DYNC1LI1: variants seen among roughly 807,000 people sequenced by gnomAD.
The protein encoded by DYNC1LI1 is dynein cytoplasmic 1 light intermediate chain 1.
In DYNC1LI1, 19 loss-of-function variants were observed where a neutral mutation model predicts 63.8. That is an observed-to-expected ratio of 0.30 (90% CI 0.21 to 0.44). DYNC1LI1 has a LOEUF of 0.44. DYNC1LI1 is among the 20% of genes least tolerant of loss of function. The pLI is 1.00. For missense variants in DYNC1LI1, 565 were observed against 630.2 expected, an observed-to-expected ratio of 0.90 and a Z score of 1.11; for synonymous variants, 225 against 232.3, an observed-to-expected ratio of 0.97 and a Z score of 0.28.
intron 2 of DYNC1LI1, among the ~76,000 whole-genome samples, chr3:32,565,868 A>G (rs1287342598): frequency 6.6e-6 from 1 of 152,176 alleles, no homozygotes; most frequent in South Asian, 2.1e-4. Context: ...TCAGCCTCCT[A>G]AAGTGCTAGG....
At chr3:32,570,536 G>C in intron 1 of DYNC1LI1, 89 bp downstream of exon 1, 1 of 1,497,206 alleles carries the variant, frequency 6.7e-7, no homozygotes, top group Non-Finnish European at 8.9e-7. Context: ...GCCGGGCCCG[G>C]CGCCGAGCTC....
intron 2 of DYNC1LI1, among the ~76,000 whole-genome samples, chr3:32,569,016 T>C (rs562494680): frequency 1.9e-4 from 29 of 152,242 alleles, no homozygotes; most frequent in Admixed American, 4.6e-4. Context: ...TATTTTCTAA[T>C]GCAGTTTAAG....
chr3:32,546,958 A>G (rs112495301), intron 2 of DYNC1LI1, among the ~76,000 whole-genome samples: 60 of 152,326 alleles, frequency 3.9e-4, no homozygotes, highest in African/African-American at 1.4e-3. Context: ...AAACTAGGCT[A>G]ACTAGGCCAG....
chr3:32,549,996 T>C (rs911262888), intron 2 of DYNC1LI1, among the ~76,000 whole-genome samples: 2 of 152,178 alleles, frequency 1.3e-5, no homozygotes, highest in African/African-American at 4.8e-5. Flanking sequence ...GAAATAATCA[T>C]TGATAATTTG....
In DYNC1LI1 at chr3:32,570,798, C is replaced by A. The variant is rs754911170; in HGVS notation, c.-28G>T. ...TGGTCGGGAATCACACCACTCCCGG[C>A]AAGACTAAATGTGCGAGGCGGCTGA... On this transcript the variant is annotated 5_prime_UTR_variant, in exon 1 of 13. Coordinates refer to ENST00000273130, the MANE Select transcript of DYNC1LI1 (RefSeq NM_016141.4). The A allele has an allele frequency of 6.3e-7, 1 of 1,592,222 alleles. No individual in the cohort carries two copies. Among genetic ancestry groups the A allele is most frequent in the Non-Finnish European group, 8.6e-7 (1 of 1,168,240 alleles).
At chr3:32,527,334 T>C (rs1697634370) in intron 12 of DYNC1LI1, among the ~76,000 whole-genome samples, 1 of 151,806 alleles carries the variant, frequency 6.6e-6, no homozygotes, top group South Asian at 2.1e-4. Flanking sequence ...AAAAAACAAA[T>C]TCCCTCATTT....
chr3:32,530,581 T>G, intron 8 of DYNC1LI1, 61 bp from the exon 9 acceptor site: 2 of 1,388,748 alleles, frequency 1.4e-6, no homozygotes, highest in Non-Finnish European at 2.0e-6. Context: ...AATTAATAAT[T>G]TATTCTCTAG....
chr3:32,535,577 T>C (rs1272086143), intron 6 of DYNC1LI1, among the ~76,000 whole-genome samples: 2 of 152,228 alleles, frequency 1.3e-5, no homozygotes, highest in African/African-American at 4.8e-5. Context: ...AACTTTAACA[T>C]GGTAGAGACA....
intron 2 of DYNC1LI1, among the ~76,000 whole-genome samples, chr3:32,568,818 C>T (rs1008406971): frequency 6.6e-6 from 1 of 152,118 alleles, no homozygotes; most frequent in African/African-American, 2.4e-5. Flanking sequence ...AAAATAGAAT[C>T]AATTTCAATG....
At chr3:32,566,767 AC>A (rs1167438625) in intron 2 of DYNC1LI1, 5 of 429,078 alleles carry the variant, frequency 1.2e-5, no homozygotes, top group East Asian at 7.5e-5. Context: ...AAACAAAAAA[AC>A]AAATATAATC....
Position 32,533,089 on chromosome 3 carries a change from C to T in DYNC1LI1, c.977G>A (p.Gly326Glu). 1 of 1,594,200 alleles carries T rather than the reference C, an allele frequency of 6.3e-7. No individual in the cohort carries two copies. The highest frequency in any genetic ancestry group is 8.5e-7 in the Non-Finnish European group (1 of 1,175,190). The stretch of plus-strand genomic sequence containing the variant: ...TCCTATTTTCTTATCATTATCCCAC[C>T]CTGCTGGACTGGAAAGAAATACATA... ...VEKDAVFIPA[G>E]WDNDKKIGIL... The change falls in exon 8 of 13, where the codon GGG becomes GAG. Residue 326 changes from glycine to glutamate, a missense_variant. Coordinates refer to ENST00000273130, the MANE Select transcript of DYNC1LI1 (RefSeq NM_016141.4).
rs114378892 is a variant in DYNC1LI1 at position 32,547,556 on chromosome 3, C to A, written c.221-1591G>T. ...CCACCTCTGCAATGGTGTTTATAATCCTACTGGGGCCAAGGTGAAGCCAAG... is the reference window on the plus strand; with the variant it reads ...CCACCTCTGCAATGGTGTTTATAATACTACTGGGGCCAAGGTGAAGCCAAG... On this transcript the variant is annotated intron_variant, in intron 2 of 12. Coordinates refer to ENST00000273130, the MANE Select transcript of DYNC1LI1 (RefSeq NM_016141.4). Among the ~76,000 whole-genome samples, 941 of 152,244 alleles carry A rather than the reference C, an allele frequency of 6.2e-3. 15 individuals are homozygous for A. Among genetic ancestry groups the A allele is most frequent in the African/African-American group, 0.022 (897 of 41,534 alleles).
chr3:32,540,160 T>C (rs140776608), intron 5 of DYNC1LI1, among the ~76,000 whole-genome samples: 4,474 of 151,944 alleles, frequency 0.029, 230 homozygotes, highest in African/African-American at 0.1. Flanking sequence ...TGAGCCACCA[T>C]GCCTCACCTT....
At chr3:32,533,439 T>G (rs1332905327) in intron 7 of DYNC1LI1, among the ~76,000 whole-genome samples, 1 of 152,170 alleles carries the variant, frequency 6.6e-6, no homozygotes, top group Admixed American at 6.5e-5. Context: ...ATCGCACCAT[T>G]GCATTCCAGG....
chr3:32,530,568 C>T (rs751789308), intron 8 of DYNC1LI1, 48 bp from the exon 9 acceptor site: 3 of 1,446,012 alleles, frequency 2.1e-6, no homozygotes, highest in East Asian at 2.3e-5. Context: ...ATTATGCTAA[C>T]ACAATTAATA....
intron 2 of DYNC1LI1, among the ~76,000 whole-genome samples, chr3:32,548,135 G>A (rs1697982800): frequency 6.6e-6 from 1 of 151,806 alleles, no homozygotes; most frequent in Non-Finnish European, 1.5e-5. Context: ...TTAAATCAGG[G>A]GTCCCCAACC....
intron 10 of DYNC1LI1, 117 bp downstream of exon 10, chr3:32,530,167 C>A: frequency 1.2e-6 from 1 of 849,552 alleles, no homozygotes; most frequent in Non-Finnish European, 1.8e-6. Context: ...CAGAAGAATT[C>A]TGAATTCAAG....
intron 2 of DYNC1LI1, among the ~76,000 whole-genome samples, chr3:32,558,818 C>T (rs937326250): frequency 2.6e-5 from 4 of 151,242 alleles, no homozygotes; most frequent in African/African-American, 9.8e-5. Context: ...TGCACTCTAG[C>T]CTGGGCAACA....
intron 4 of DYNC1LI1, among the ~76,000 whole-genome samples, chr3:32,543,136 G>C (rs1341248615): frequency 6.6e-6 from 1 of 151,958 alleles, no homozygotes; most frequent in African/African-American, 2.4e-5. Context: ...GGTGCTGCTG[G>C]TCCAGGGAAC....
Sources: gnomAD v4.1 joint callset for allele counts (sites outside exome capture counted in the v4.1 genomes callset) on GRCh38, gnomAD v4.1.1 for gene constraint, MANE v1.5 for transcripts, NCBI Gene and HGNC (gene_info 2026-07-23, HGNC 2026-07-21) for gene names.